The following TMEM132B variants were observed in gnomAD, a reference collection of about 807,000 sequenced individuals.
TMEM132B encodes the protein transmembrane protein 132B.
In TMEM132B, 18 loss-of-function variants were observed where a neutral mutation model predicts 90.8. That is an observed-to-expected ratio of 0.20 (90% CI 0.14 to 0.29). TMEM132B has a LOEUF of 0.29. Among genes scored for constraint, TMEM132B ranks in the 10% least tolerant of loss-of-function variants. The probability of loss-of-function intolerance (pLI) is 1.00; values close to 1 mark genes in which losing one functional copy is unlikely to be tolerated. For synonymous variants in TMEM132B, 504 were observed against 523.3 expected (o/e 0.96, Z 0.50); for missense variants, 1,096 against 1,326.8 (o/e 0.83, Z 2.70).
rs892299230 is a variant in TMEM132B, at chr12:125,455,534, G to GT, written c.1106+39858dup. Among the ~76,000 whole-genome samples, 17 of 152,188 alleles carry GT rather than the reference G, an allele frequency of 1.1e-4. 1 individual carries two copies. The highest frequency in any genetic ancestry group is 3.3e-4 in the Admixed American group (5 of 15,282). Reference sequence around the variant, plus strand: ...AATACTAGTAAGAGAAAGGAACTGTGTGTGATTTGTGTGATTTTGGTGGGG... The same window carrying GT: ...AATACTAGTAAGAGAAAGGAACTGTGTTGTGATTTGTGTGATTTTGGTGGGG... On this transcript the variant is annotated intron_variant, in intron 3 of 8. Coordinates refer to ENST00000682704, the MANE Select transcript of TMEM132B (RefSeq NM_001366854.1).
intron 2 of TMEM132B, among the ~76,000 whole-genome samples, chr12:125,392,922 C>T (rs1879067398): frequency 6.6e-6 from 1 of 152,188 alleles, no homozygotes; most frequent in African/African-American, 2.4e-5. Context: ...GGGGAGGGTA[C>T]ATCAGACTGA....
chr12:125,417,990 C>T (rs995544425), intron 3 of TMEM132B, among the ~76,000 whole-genome samples: 1 of 152,170 alleles, frequency 6.6e-6, no homozygotes, highest in African/African-American at 2.4e-5. Flanking sequence ...CTGATGGGGA[C>T]AGGAGATGGA....
chr12:125,600,978 A>G (rs1364963995), intron 5 of TMEM132B, among the ~76,000 whole-genome samples: 1 of 152,114 alleles, frequency 6.6e-6, no homozygotes, highest in Non-Finnish European at 1.5e-5. Flanking sequence ...CAAGTTCTTA[A>G]GACCTACAAA....
rs1157233348 is a variant in TMEM132B at position 125,538,972 on chromosome 12, C to A, written c.1293+19347C>A. Among the ~76,000 whole-genome samples the A allele has an allele frequency of 2.6e-5, 4 of 152,200 alleles. No homozygotes were observed. The East Asian group carries it at 7.7e-4, about 29-fold the overall frequency. On this transcript the variant is annotated intron_variant, in intron 4 of 8. Transcript: ENST00000682704. ...TCAACCATTCACTCCGTCTCCACTG[C>A]CAGCACCCGAGCCCAGCCACCACCA...
chr12:125,458,478 G>A lies in TMEM132B; in HGVS notation c.1106+42801G>A, dbSNP rs1274618206. ...AGGCTGGGACCCCAGGCGACCAGCA[G>A]GGGTCATTTGGTTTCAGTGGGGCCT... On this transcript the variant is annotated intron_variant, in intron 3 of 8. Transcript: ENST00000682704. This position sits in a 1 kb window ranked among gnomAD's most constrained non-coding sequence, Gnocchi z 4.9. Among the ~76,000 whole-genome samples the A allele has an allele frequency of 6.6e-6, 1 of 152,154 alleles. No homozygotes were observed. The highest frequency in any genetic ancestry group is 1.5e-5 in the Non-Finnish European group (1 of 68,026).
intron 3 of TMEM132B, among the ~76,000 whole-genome samples, chr12:125,416,056 C>T (rs1240768321): frequency 6.6e-6 from 1 of 152,156 alleles, no homozygotes; most frequent in Non-Finnish European, 1.5e-5. Context: ...TTGCTGATAT[C>T]ACACTTGGGA....
intron 1 of TMEM132B, among the ~76,000 whole-genome samples, chr12:125,197,321 G>C (rs1005657043): frequency 6.6e-6 from 1 of 152,128 alleles, no homozygotes; most frequent in African/African-American, 2.4e-5. Context: ...ATTTAGTAGA[G>C]GTGTATGTGA....
intron 1 of TMEM132B, among the ~76,000 whole-genome samples, chr12:125,296,723 C>T (rs538155475): frequency 3.9e-5 from 6 of 152,348 alleles, no homozygotes; most frequent in African/African-American, 1.4e-4. Context: ...ATGAATGCTC[C>T]AGTGAGCATT....
intron 5 of TMEM132B, among the ~76,000 whole-genome samples, chr12:125,597,400 G>A (rs1885463860): frequency 6.6e-6 from 1 of 152,158 alleles, no homozygotes; most frequent in Admixed American, 6.6e-5. Flanking sequence ...CTCTTGGATA[G>A]GTGTGGAGGC....
chr12:125,556,488 GGAAGAGTGTCTTCCACTT>G (rs1469461121), intron 4 of TMEM132B, among the ~76,000 whole-genome samples: 1 of 152,152 alleles, frequency 6.6e-6, no homozygotes, highest in African/African-American at 2.4e-5. Context: ...CGGGGGATGT[GGAAGAGTGTCTTCCACTT>G]GAAGAGTGTG....
At chr12:125,586,863 A>C (rs1363758557) in intron 5 of TMEM132B, 1 of 152,242 alleles carries the variant, frequency 6.6e-6, no homozygotes, top group Non-Finnish European at 1.5e-5. Flanking sequence ...ATAAGGAAGG[A>C]AAAAGATCAT....
chr12:125,640,185 T>G (rs1275675383), intron 5 of TMEM132B, among the ~76,000 whole-genome samples: 1 of 152,234 alleles, frequency 6.6e-6, no homozygotes, highest in Non-Finnish European at 1.5e-5. Flanking sequence ...CACAGCTCAC[T>G]GGCCAGAGTA....
chr12:125,192,772 C>A (rs1565972157), intron 1 of TMEM132B, among the ~76,000 whole-genome samples: 1 of 152,202 alleles, frequency 6.6e-6, no homozygotes, highest in East Asian at 1.9e-4. Context: ...GCAAACTTCT[C>A]TTGTTAGTCA....
intron 1 of TMEM132B, among the ~76,000 whole-genome samples, chr12:125,255,854 T>G (rs528812228): frequency 1.3e-5 from 2 of 152,200 alleles, no homozygotes; most frequent in African/African-American, 2.4e-5. Flanking sequence ...TGGTTGAAGC[T>G]GTCACAGCGA....
chr12:125,342,113 G>A (rs1248599356), intron 1 of TMEM132B, among the ~76,000 whole-genome samples: 1 of 152,138 alleles, frequency 6.6e-6, no homozygotes, highest in African/African-American at 2.4e-5. Flanking sequence ...ATAGAGACAA[G>A]CCACTCTGGA....
chr12:125,636,542 G>A (rs1288418876), intron 5 of TMEM132B, among the ~76,000 whole-genome samples: 2 of 152,146 alleles, frequency 1.3e-5, no homozygotes, highest in Non-Finnish European at 2.9e-5. Flanking sequence ...AGCCTCTAGT[G>A]TATGGCTTTC....
chr12:125,473,286 C>A (rs1363972113), intron 3 of TMEM132B, among the ~76,000 whole-genome samples: 1 of 152,182 alleles, frequency 6.6e-6, no homozygotes, highest in Non-Finnish European at 1.5e-5. Flanking sequence ...ACCACTTTTC[C>A]AAAAGGCCCA....
intron 2 of TMEM132B, among the ~76,000 whole-genome samples, chr12:125,414,843 A>T (rs1593133811): frequency 1.3e-5 from 2 of 152,296 alleles, no homozygotes; most frequent in South Asian, 4.2e-4. Context: ...TCTGGTTAGT[A>T]GCAACGTGAG....
At chr12:125,387,201 AG>A (rs1878865821) in intron 2 of TMEM132B, among the ~76,000 whole-genome samples, 1 of 152,132 alleles carries the variant, frequency 6.6e-6, no homozygotes, top group African/African-American at 2.4e-5. Flanking sequence ...TCCATTGCAT[AG>A]GAAGTCTCTC....
Sources: allele counts gnomAD v4.1 joint callset (sites outside exome capture counted in the v4.1 genomes callset), GRCh38; gene constraint gnomAD v4.1.1; non-coding constraint Gnocchi (gnomAD v3.1); transcripts MANE v1.5; gene names NCBI Gene and HGNC (gene_info 2026-07-23, HGNC 2026-07-21).